RASGRF2: variants seen among roughly 807,000 people sequenced by gnomAD.
RASGRF2 encodes Ras protein specific guanine nucleotide releasing factor 2.
Under a neutral mutation model 151.0 loss-of-function variants are expected in RASGRF2, and 76 were observed. That is an observed-to-expected ratio of 0.50 (90% CI 0.42 to 0.61). The LOEUF (loss-of-function observed/expected upper bound fraction) is 0.61, where lower values mean the gene tolerates loss of function less well. RASGRF2 is among the 20% of genes least tolerant of loss of function. RASGRF2 has a pLI of 0.00. For missense variants in RASGRF2, 1,148 were observed against 1,564.6 expected, an observed-to-expected ratio of 0.73 and a Z score of 4.49; for synonymous variants, 504 against 566.5, an observed-to-expected ratio of 0.89 and a Z score of 1.57.
At chr5:81,159,635 T>C (rs1754337433) in intron 17 of RASGRF2, among the ~76,000 whole-genome samples, 1 of 152,188 alleles carries the variant, frequency 6.6e-6, no homozygotes, top group Non-Finnish European at 1.5e-5. Context: ...TATAATTGGA[T>C]TGTGGTTATG....
At chr5:81,160,497 C>T (rs1754356707) in intron 17 of RASGRF2, among the ~76,000 whole-genome samples, 1 of 151,628 alleles carries the variant, frequency 6.6e-6, no homozygotes, top group Non-Finnish European at 1.5e-5. Flanking sequence ...CAGTGAAACC[C>T]CATCTCTACT....
At chr5:81,134,938 A>G (rs1753717200) in intron 17 of RASGRF2, among the ~76,000 whole-genome samples, 1 of 151,800 alleles carries the variant, frequency 6.6e-6, no homozygotes, top group South Asian at 2.1e-4. Flanking sequence ...TGTTGTAGTA[A>G]TTATTCTCTA....
At chr5:81,104,114 T>C (rs1396786513) in intron 12 of RASGRF2, among the ~76,000 whole-genome samples, 6 of 152,066 alleles carry the variant, frequency 3.9e-5, no homozygotes, top group African/African-American at 1.4e-4. Flanking sequence ...AGAGAGAGTA[T>C]TGGAATGGAA....
rs150932693 is a variant in RASGRF2, at chr5:81,170,819, T to C, written c.2687-9356T>C. Among the ~76,000 whole-genome samples the C allele has an allele frequency of 2.4e-3, 370 of 152,298 alleles. 1 individual carries two copies. Among genetic ancestry groups the C allele is most frequent in the African/African-American group, 8.3e-3 (347 of 41,560 alleles). Reference sequence around the variant, plus strand: ...ATGTCTGCCTCCTCCCAGTAGAACATAGGTTCCTATGAGCAGCCAACTATT... The same window carrying C: ...ATGTCTGCCTCCTCCCAGTAGAACACAGGTTCCTATGAGCAGCCAACTATT... On this transcript the variant is annotated intron_variant, in intron 17 of 26. Coordinates refer to ENST00000265080, the MANE Select transcript of RASGRF2 (RefSeq NM_006909.3).
chr5:81,077,603 A>G (rs1456310606), intron 5 of RASGRF2, among the ~76,000 whole-genome samples: 3 of 152,190 alleles, frequency 2.0e-5, no homozygotes, highest in Non-Finnish European at 4.4e-5. Context: ...GGCTCCTCTC[A>G]AGTGTGTGGG....
At chr5:81,160,685 T>A (rs1292579826) in intron 17 of RASGRF2, among the ~76,000 whole-genome samples, 1 of 129,446 alleles carries the variant, frequency 7.7e-6, no homozygotes. Flanking sequence ...GTCTCAAAAA[T>A]AATAATAATA....
chr5:81,083,254 A>G (rs1458748034), intron 7 of RASGRF2, among the ~76,000 whole-genome samples: 4 of 141,842 alleles, frequency 2.8e-5, no homozygotes, highest in South Asian at 2.3e-4. Flanking sequence ...CCTCAGGATG[A>G]GGCTAGGGTT....
In RASGRF2 at chr5:81,212,040, G is replaced by T. The variant is rs183980463; in HGVS notation, c.3157-326G>T. On this transcript the variant is annotated intron_variant, in intron 22 of 26. Transcript: ENST00000265080. ...CATGATCTACAGACATTGCCTTTCC[G>T]CAGGCGTTAGGTTATTCTGTCCCAT... Among the ~76,000 whole-genome samples, 1,314 of 152,194 alleles carry T rather than the reference G, an allele frequency of 8.6e-3. 7 individuals are homozygous for T. The highest frequency in any genetic ancestry group is 0.015 in the African/African-American group (607 of 41,512).
At chr5:81,145,174 AG>A (rs1490034545) in intron 17 of RASGRF2, among the ~76,000 whole-genome samples, 1 of 152,148 alleles carries the variant, frequency 6.6e-6, no homozygotes, top group Non-Finnish European at 1.5e-5. Context: ...GGTTGCAGTA[AG>A]CCTAGATCAT....
rs900740296 is a variant in RASGRF2 at position 81,230,124 on chromosome 5, C to T, written c.*4354C>T. ...CTTGCCAAGTGAGGTGTAGGTTATG[C>T]CTATATGCAAATTAAACTTCACCTT... On this transcript the variant is annotated 3_prime_UTR_variant, in exon 27 of 27. Transcript: ENST00000265080. The T allele has an allele frequency of 1.3e-5, 2 of 152,124 alleles. No homozygotes were observed. Among genetic ancestry groups the T allele is most frequent in the Non-Finnish European group, 2.9e-5 (2 of 68,006 alleles). 9.4% of individuals were successfully genotyped at this position (152,124 alleles called of 1,614,324 possible).
chr5:81,119,256 C>T (rs930183603), intron 15 of RASGRF2, among the ~76,000 whole-genome samples: 7 of 152,230 alleles, frequency 4.6e-5, no homozygotes, highest in Non-Finnish European at 2.9e-5. Context: ...CTACCTGAGA[C>T]TAGGTGATTT....
chr5:81,195,739 C>T (rs1755250568), intron 18 of RASGRF2, among the ~76,000 whole-genome samples: 1 of 152,104 alleles, frequency 6.6e-6, no homozygotes, highest in South Asian at 2.1e-4. Flanking sequence ...TAGCCACAAC[C>T]CCTAGTGAGC....
chr5:81,118,119 G>A (rs1753208617), intron 15 of RASGRF2, among the ~76,000 whole-genome samples: 1 of 152,204 alleles, frequency 6.6e-6, no homozygotes, highest in South Asian at 2.1e-4. Flanking sequence ...TAGGATTTCT[G>A]CAATGGCCTC....
chr5:81,199,803 C>T (rs1439103003), intron 18 of RASGRF2, among the ~76,000 whole-genome samples: 4 of 145,176 alleles, frequency 2.8e-5, no homozygotes, highest in African/African-American at 1.0e-4. Context: ...GAGGCTGAGA[C>T]AGGAGAATCA....
At chr5:81,143,209 C>T (rs970012234) in intron 17 of RASGRF2, among the ~76,000 whole-genome samples, 13 of 151,926 alleles carry the variant, frequency 8.6e-5, no homozygotes, top group African/African-American at 1.2e-4. Context: ...AGTGCAGTGG[C>T]GCAATCTCCA....
chr5:81,211,170 T>C (rs922623655), intron 22 of RASGRF2, among the ~76,000 whole-genome samples: 27 of 148,310 alleles, frequency 1.8e-4, no homozygotes, highest in Admixed American at 1.3e-3. Flanking sequence ...AAAGACTCAG[T>C]GCAGGCGTGA....
intron 17 of RASGRF2, among the ~76,000 whole-genome samples, chr5:81,167,010 T>C (rs534841365): frequency 1.1e-4 from 17 of 152,154 alleles, no homozygotes; most frequent in Non-Finnish European, 2.5e-4. Flanking sequence ...ATGAAATGAC[T>C]TCAGTCTTTA....
Position 81,229,142 on chromosome 5 carries a change from G to T in RASGRF2, c.*3372G>T, listed in dbSNP as rs756012354. ...AATTAACTTTTATTTAAAAGCAAGA[G>T]ATTTTACTTAGCTTTTTTTTTTCAA... On this transcript the variant is annotated 3_prime_UTR_variant, in exon 27 of 27. Transcript: ENST00000265080. The T allele has an allele frequency of 5.3e-5, 8 of 151,344 alleles. No homozygotes were observed. Among genetic ancestry groups the T allele is most frequent in the Non-Finnish European group, 1.0e-4 (7 of 67,876 alleles). 9.4% of individuals were successfully genotyped at this position (151,344 alleles called of 1,614,324 possible). A position where few individuals can be genotyped will look rare whatever the true frequency, so the allele number is the denominator to read the frequency against.
intron 1 of RASGRF2, among the ~76,000 whole-genome samples, chr5:81,033,852 C>T (rs1024570059): frequency 3.7e-4 from 56 of 152,194 alleles, no homozygotes; most frequent in Non-Finnish European, 4.1e-4. Flanking sequence ...ACCATCAGAG[C>T]GAACAGGCAA....
Sources: allele counts gnomAD v4.1 joint callset (sites outside exome capture counted in the v4.1 genomes callset), GRCh38; gene constraint gnomAD v4.1.1; transcripts MANE v1.5; gene names NCBI Gene and HGNC (gene_info 2026-07-23, HGNC 2026-07-21).